Variants in CLASP2 observed in about 807,000 individuals in gnomAD.
CLASP2 encodes the protein cytoplasmic linker associated protein 2.
A neutral mutation model predicts 194.4 loss-of-function variants in CLASP2; 47 were observed. The ratio of observed to expected loss-of-function variants is 0.24; its 90% CI spans 0.19 to 0.31. The LOEUF is 0.31. Among genes scored for constraint, CLASP2 ranks in the 10% least tolerant of loss-of-function variants. CLASP2 has a pLI of 1.00. For synonymous variants in CLASP2, 619 were observed against 633.5 expected (o/e 0.98, Z 0.34); for missense variants, 1,445 against 1,823.6 (o/e 0.79, Z 3.78).
chr3:33,545,148 T>C, intron 30 of CLASP2: 1 of 181,830 alleles, frequency 5.5e-6, no homozygotes, highest in East Asian at 1.4e-4. Context: ...AGTATTTTAG[T>C]TTTCCTAATA....
At chr3:33,607,292 A>T in intron 15 of CLASP2, 92 bp downstream of exon 15, 1 of 840,162 alleles carries the variant, frequency 1.2e-6, no homozygotes, top group Non-Finnish European at 1.8e-6. Flanking sequence ...AGTCAAGTAA[A>T]ATACTTGGAC....
At chr3:33,676,833 C>A (rs1326412513) in intron 6 of CLASP2, among the ~76,000 whole-genome samples, 1 of 152,234 alleles carries the variant, frequency 6.6e-6, no homozygotes, top group Middle Eastern at 3.4e-3. Context: ...CTAGAATCTA[C>A]AATGAACTTG....
intron 34 of CLASP2, among the ~76,000 whole-genome samples, chr3:33,520,074 C>T (rs897216381): frequency 2.0e-5 from 3 of 152,106 alleles, no homozygotes; most frequent in Middle Eastern, 3.2e-3. Flanking sequence ...AGTGCACTGG[C>T]GTGATCTTGG....
Position 33,499,631 on chromosome 3 carries a change from G to A in CLASP2, c.4435-914C>T, listed in dbSNP as rs997970087. Among the ~76,000 whole-genome samples, 5 of 151,754 alleles carry A rather than the reference G, an allele frequency of 3.3e-5. No homozygotes were observed. The South Asian group carries it at 1.0e-3, about 32-fold the overall frequency. On this transcript the variant is annotated intron_variant, in intron 38 of 38. Coordinates refer to ENST00000682230, the MANE Select transcript of CLASP2 (RefSeq NM_001365631.1). The stretch of plus-strand genomic sequence containing the variant: ...CCCAAAGTGCTGGGATTACAGTTGT[G>A]AGCCATCGTACCTGGCCTAGGGCAG...
chr3:33,689,765 T>G, intron 3 of CLASP2, 64 bp downstream of exon 3: 1 of 1,098,482 alleles, frequency 9.1e-7, no homozygotes, highest in Non-Finnish European at 1.3e-6. Context: ...TCATGCTTGC[T>G]GTGGCTTTAA....
intron 28 of CLASP2, among the ~76,000 whole-genome samples, chr3:33,560,601 A>G (rs558620356): frequency 6.6e-6 from 1 of 152,212 alleles, no homozygotes; most frequent in South Asian, 2.1e-4. Flanking sequence ...TATTAATACA[A>G]TTTTTATAAA....
At chr3:33,686,671 T>G (rs187495562) in intron 5 of CLASP2, among the ~76,000 whole-genome samples, 94 of 152,296 alleles carry the variant, frequency 6.2e-4, no homozygotes, top group Non-Finnish European at 1.1e-3. Context: ...ATCCTCTCTG[T>G]TAAGTAGGGT....
chr3:33,614,101 ACT>A (rs1204244668), intron 12 of CLASP2, among the ~76,000 whole-genome samples: 2 of 152,190 alleles, frequency 1.3e-5, no homozygotes, highest in Middle Eastern at 3.2e-3. Flanking sequence ...AAGGAAGTAG[ACT>A]CTTAGGAAAT....
In CLASP2 at chr3:33,671,859, T is replaced by G. The variant is rs189407644; in HGVS notation, c.645-8344A>C. ...TGATTGCTAGCACAGCAGTCTGAGA[T>G]CAAACTGCAAGGCGGCAGCGAGGCT... On this transcript the variant is annotated intron_variant, in intron 6 of 38. Coordinates refer to ENST00000682230, the MANE Select transcript of CLASP2 (RefSeq NM_001365631.1). 6.6e-5 allele frequency among the ~76,000 whole-genome samples: 10 copies of G among 151,886 alleles called. No homozygotes were observed. In the East Asian group the frequency reaches 1.9e-3, roughly 29 times the overall value.
chr3:33,533,177 C>G (rs2056673813), intron 34 of CLASP2, among the ~76,000 whole-genome samples: 1 of 152,200 alleles, frequency 6.6e-6, no homozygotes, highest in Non-Finnish European at 1.5e-5. Flanking sequence ...GCTGTTGCTA[C>G]TACATAGTAT....
In CLASP2 at chr3:33,606,690, G is replaced by C. The variant is rs372430834; in HGVS notation, c.1595C>G (p.Ser532Cys). ...AETLYNSLEP[S>C]YQKSLQTYLK... ...GTAAGTTTGAAGACTCTTCTGATAA[G>C]ATGGCTCAAGGGAATTATATAATGT... is the stretch of plus-strand genomic sequence containing the variant. The change falls in exon 16 of 39, where the codon TCT becomes TGT. Residue 532 changes from serine (S) to cysteine (C), a missense_variant. Physicochemically the swap from Ser to Cys is moderately radical, Grantham distance 112 (BLOSUM62 -1). Around this residue, in one of 4 missense-constraint regions of CLASP2, gnomAD observed 207 missense variants for 331.4 expected, o/e 0.62. Transcript: ENST00000682230. 3.1e-6 allele frequency: 5 copies of C among 1,613,138 alleles called. No homozygotes were observed. In the African/African-American group the frequency reaches 5.3e-5, roughly 17 times the overall value.
rs369570285 is a variant in CLASP2 at position 33,565,206 on chromosome 3, G to T, written c.2766+1526C>A. 8.5e-5 allele frequency among the ~76,000 whole-genome samples: 13 copies of T among 152,152 alleles called. No individual in the cohort carries two copies. The East Asian group carries it at 2.3e-3, about 27-fold the overall frequency. Reference sequence around the variant, plus strand: ...CATTTTATTTTCTTTCTGAGACGGAGTCTCACCTATCACCCAGGGTGGAGT... The same window carrying T: ...CATTTTATTTTCTTTCTGAGACGGATTCTCACCTATCACCCAGGGTGGAGT... On this transcript the variant is annotated intron_variant, in intron 27 of 38. Coordinates refer to ENST00000682230, the MANE Select transcript of CLASP2 (RefSeq NM_001365631.1).
In CLASP2 at chr3:33,717,958, C is replaced by G; in HGVS notation, c.45G>C (p.Gln15His). The G allele has an allele frequency of 6.5e-7, 1 of 1,543,918 alleles. No homozygotes were observed. Among genetic ancestry groups the G allele is most frequent in the Non-Finnish European group, 8.7e-7 (1 of 1,146,402 alleles). Residue 15 changes from glutamine (Q) to histidine (H), a missense_variant, in exon 1 of 39, where the codon CAG becomes CAC. This residue lies in a region of CLASP2 where 332 missense variants were observed against 325.3 expected (regional missense o/e 1.02). Coordinates refer to ENST00000682230, the MANE Select transcript of CLASP2 (RefSeq NM_001365631.1). ...CCTGCAGCCGGCCGCCGACGTCCTT[C>G]TGCTGCACCTGGGCGCAGAAGTACT... ...SMEYFCAQVQ[Q>H]KDVGGRLQVG...
chr3:33,530,582 G>T (rs1192419930), intron 34 of CLASP2, among the ~76,000 whole-genome samples: 1 of 152,228 alleles, frequency 6.6e-6, no homozygotes, highest in South Asian at 2.1e-4. Flanking sequence ...ACAGTTGGCA[G>T]TGCAGGTTTG....
At chr3:33,559,596 TA>T (rs1290028158) in intron 28 of CLASP2, among the ~76,000 whole-genome samples, 3 of 152,206 alleles carry the variant, frequency 2.0e-5, no homozygotes, top group African/African-American at 7.2e-5. Flanking sequence ...AGTACAGGGT[TA>T]AAAAGTAACT....
intron 3 of CLASP2, among the ~76,000 whole-genome samples, chr3:33,689,153 C>T (rs2091053746): frequency 6.7e-6 from 1 of 149,862 alleles, no homozygotes; most frequent in African/African-American, 2.5e-5. Flanking sequence ...ACCAAACTTT[C>T]AAGAAGGTGG....
At chr3:33,661,981 T>G (rs959239621) in intron 7 of CLASP2, among the ~76,000 whole-genome samples, 3 of 152,208 alleles carry the variant, frequency 2.0e-5, no homozygotes, top group African/African-American at 7.2e-5. Flanking sequence ...CAATATGACT[T>G]TAACTTTCAC....
intron 37 of CLASP2, chr3:33,503,903 G>A (rs1177660901): frequency 6.6e-6 from 1 of 152,136 alleles, no homozygotes; most frequent in African/African-American, 2.4e-5. Context: ...GTATCTCATT[G>A]TGGTTTTGAT....
At chr3:33,516,873 C>A in intron 35 of CLASP2, 108 bp downstream of exon 35, 2 of 946,748 alleles carry the variant, frequency 2.1e-6, no homozygotes, top group Non-Finnish European at 3.2e-6. Flanking sequence ...AAAGCAGCAG[C>A]AGAAGAGATT....
Sources: gnomAD v4.1 joint callset for allele counts (sites outside exome capture counted in the v4.1 genomes callset) on GRCh38, gnomAD v4.1.1 for gene constraint, gnomAD v4.1.1 regional missense constraint, MANE v1.5 for transcripts, NCBI Gene and HGNC (gene_info 2026-07-23, HGNC 2026-07-21) for gene names.